Variants in COL28A1 observed in about 807,000 individuals in gnomAD.
COL28A1 encodes the protein collagen type XXVIII alpha 1 chain.
COL28A1 carries 161 observed loss-of-function variants against 150.2 expected under a neutral mutation model. The ratio of observed to expected loss-of-function variants is 1.07; its 90% CI spans 0.94 to 1.22. The LOEUF is 1.22. COL28A1 is among the 50% of genes most tolerant of loss of function. COL28A1 has a pLI of 0.00. For synonymous variants in COL28A1, 552 were observed against 469.7 expected, an observed-to-expected ratio of 1.18 and a Z score of -2.26; for missense variants, 1,617 against 1,388.3, an observed-to-expected ratio of 1.16 and a Z score of -2.62.
intron 34 of COL28A1, among the ~76,000 whole-genome samples, chr7:7,359,696 A>G (rs560250463): frequency 6.6e-6 from 1 of 151,966 alleles, no homozygotes; most frequent in African/African-American, 2.4e-5. Context: ...TTCCTTAAAC[A>G]TTTTCCCAGA....
At chr7:7,540,620 C>A (rs920199793), upstream of COL28A1, among the ~76,000 whole-genome samples, 2 of 152,162 alleles carry the variant, frequency 1.3e-5, no homozygotes, top group Admixed American at 1.3e-4. Context: ...AATTTTTAGG[C>A]CTTTGCGCTA....
rs753190046 is a variant in COL28A1, at chr7:7,380,668, C to G, written c.2314G>C (p.Gly772Arg). 1 of 1,613,594 alleles carries G rather than the reference C, an allele frequency of 6.2e-7. No homozygotes were observed. Among genetic ancestry groups the G allele is most frequent in the Non-Finnish European group, 8.5e-7 (1 of 1,179,556 alleles). Residue 772 changes from glycine (G) to arginine (R), a missense_variant, in exon 30 of 35, where the codon GGA becomes CGA. Transcript: ENST00000399429. ...QGLQGPKGDLGLTKEEIIKLI... is the reference protein window; with the variant it reads ...QGLQGPKGDLRLTKEEIIKLI... ...CTAGAATGGATACTCACTGTAAGTCCTAGGTCTCCTTTGGGTCCTTGTAAA... is the reference window on the plus strand; with the variant it reads ...CTAGAATGGATACTCACTGTAAGTCGTAGGTCTCCTTTGGGTCCTTGTAAA...
intron 33 of COL28A1, among the ~76,000 whole-genome samples, chr7:7,362,892 C>T (rs777042330): frequency 4.6e-5 from 7 of 152,038 alleles, no homozygotes; most frequent in African/African-American, 7.3e-5. Flanking sequence ...GATAGGGTCT[C>T]GCTGTGTTGC....
chr7:7,449,446 A>T (rs568865283), intron 18 of COL28A1, among the ~76,000 whole-genome samples: 2 of 151,876 alleles, frequency 1.3e-5, no homozygotes, highest in African/African-American at 4.8e-5. Context: ...TTCAGCAAAC[A>T]TCACACTTAA....
intron 11 of COL28A1, among the ~76,000 whole-genome samples, chr7:7,502,312 A>G (rs1471932838): frequency 6.6e-6 from 1 of 152,250 alleles, no homozygotes; most frequent in Non-Finnish European, 1.5e-5. Flanking sequence ...CTAAGGCAAC[A>G]AAGTCATTCA....
intron 18 of COL28A1, among the ~76,000 whole-genome samples, chr7:7,447,558 T>C (rs1018014710): frequency 2.6e-5 from 4 of 151,772 alleles, no homozygotes; most frequent in Non-Finnish European, 5.9e-5. Context: ...AATTAGGAGG[T>C]AAGAACATTA....
rs775046639 is a variant in COL28A1 at position 7,419,873 on chromosome 7, C to G, written c.2067+12G>C. 3.8e-6 allele frequency: 6 copies of G among 1,579,150 alleles called. No individual in the cohort carries two copies. The highest frequency in any genetic ancestry group is 1.2e-5 in the South Asian group (1 of 85,302). On this transcript the variant is annotated intron_variant, in intron 26 of 34. Coordinates refer to ENST00000399429, the MANE Select transcript of COL28A1 (RefSeq NM_001037763.3). The stretch of plus-strand genomic sequence containing the variant: ...TCTGACCCTCACACAAAGCACTGAG[C>G]TGAGGACTCACCTTTGGCCCTTGGG...
Position 7,522,513 on chromosome 7 carries a change from G to T in COL28A1, c.703-552C>A, listed in dbSNP as rs2024001. On this transcript the variant is annotated intron_variant, in intron 4 of 34. Transcript: ENST00000399429. The stretch of plus-strand genomic sequence containing the variant: ...CAGAATGAGTCTTATAACAGCTGTT[G>T]ACCAGGTTCAGTCATGACAAAGTAG... Among the ~76,000 whole-genome samples the T allele has an allele frequency of 7.4e-3, 1,121 of 152,176 alleles. 9 individuals are homozygous for T. The highest frequency in any genetic ancestry group is 0.013 in the Non-Finnish European group (869 of 68,002).
Position 7,531,403 on chromosome 7 carries a change from T to A in COL28A1, c.626A>T (p.Glu209Val), listed in dbSNP as rs1340392997. ...LRLISGDSSS[E>V]PTLLLSDPTL... The stretch of plus-strand genomic sequence containing the variant: ...TGGATCACTCAACAGTAAAGTGGGT[T>A]CACTGGATGAATCCCCAGAAATCAA... The change falls in exon 3 of 35, where the codon GAA (glutamate) becomes GTA (valine). Residue 209 changes from glutamate (E) to valine (V), a missense_variant. Transcript: ENST00000399429. The A allele has an allele frequency of 1.3e-6, 2 of 1,599,788 alleles. No homozygotes were observed. Among genetic ancestry groups the A allele is most frequent in the South Asian group, 2.2e-5 (2 of 89,298 alleles).
intron 18 of COL28A1, among the ~76,000 whole-genome samples, chr7:7,446,961 A>G (rs1310588284): frequency 6.6e-6 from 1 of 152,186 alleles, no homozygotes; most frequent in East Asian, 1.9e-4. Flanking sequence ...TGAAGAAACT[A>G]CCCAAGGCCA....
At chr7:7,348,783 G>A in the COL28A1 span, among the ~76,000 whole-genome samples, 1 of 151,914 alleles carries the variant, frequency 6.6e-6, no homozygotes, top group East Asian at 1.9e-4. Context: ...GCAGTATCCC[G>A]CAATATTTTT....
chr7:7,400,992 GTGTGTGTGTGTGTGT>G (rs1389593718), intron 27 of COL28A1, among the ~76,000 whole-genome samples: 2 of 146,134 alleles, frequency 1.4e-5, no homozygotes, highest in African/African-American at 5.1e-5. Context: ...GTGTGTGTGT[GTGTGTGTGTGTGTGT>G]GTGTGTGTGT....
At chr7:7,383,394 T>G (rs1318845894) in intron 27 of COL28A1, among the ~76,000 whole-genome samples, 2 of 151,534 alleles carry the variant, frequency 1.3e-5, no homozygotes. Context: ...TTCTCCTGCC[T>G]CAGCCTCCTG....
chr7:7,403,546 A>G (rs542294446), intron 27 of COL28A1, among the ~76,000 whole-genome samples: 4 of 152,318 alleles, frequency 2.6e-5, no homozygotes, highest in South Asian at 4.1e-4. Context: ...AATGGCCAAT[A>G]ACAGACAGAC....
intron 13 of COL28A1, among the ~76,000 whole-genome samples, chr7:7,483,079 C>T (rs1292676690): frequency 6.6e-6 from 1 of 152,142 alleles, no homozygotes; most frequent in Non-Finnish European, 1.5e-5. Context: ...GATGGTTCGA[C>T]TTAAGATTTT....
chr7:7,407,987 A>G (rs981089400), intron 27 of COL28A1, among the ~76,000 whole-genome samples: 1 of 152,162 alleles, frequency 6.6e-6, no homozygotes, highest in Non-Finnish European at 1.5e-5. Flanking sequence ...ACAGGGTCCT[A>G]ACGAAGTCAT....
At position 7,375,058 on chromosome 7, in the gene COL28A1, T is replaced by C. The variant is rs544114432; in HGVS notation, c.2359+403A>G. On this transcript the variant is annotated intron_variant, in intron 31 of 34. Coordinates refer to ENST00000399429, the MANE Select transcript of COL28A1 (RefSeq NM_001037763.3). ...CTCTACTCAGAAAGAATTCATGGCT[T>C]CGGGAAAAACACAGACATTCTAATC... 2.6e-4 allele frequency among the ~76,000 whole-genome samples: 39 copies of C among 152,162 alleles called. 1 individual carries two copies. Among genetic ancestry groups the C allele is most frequent in the Non-Finnish European group, 5.1e-4 (35 of 68,040 alleles).
At chr7:7,438,362 C>T (rs1038081138) in intron 21 of COL28A1, among the ~76,000 whole-genome samples, 1 of 152,190 alleles carries the variant, frequency 6.6e-6, no homozygotes, top group African/African-American at 2.4e-5. Context: ...CAATCTGGAG[C>T]AACAGGTAAT....
At chr7:7,341,554 G>A in the COL28A1 span, among the ~76,000 whole-genome samples, 1 of 151,994 alleles carries the variant, frequency 6.6e-6, no homozygotes, top group African/African-American at 2.4e-5. Flanking sequence ...AGGACTACAG[G>A]TGTGTGCCAC....
Sources: gnomAD v4.1 joint callset for allele counts (sites outside exome capture counted in the v4.1 genomes callset) on GRCh38, gnomAD v4.1.1 for gene constraint, MANE v1.5 for transcripts, NCBI Gene and HGNC (gene_info 2026-07-23, HGNC 2026-07-21) for gene names.